The following ADAMTS16 variants were observed in gnomAD, a reference collection of about 807,000 sequenced individuals.
ADAMTS16 encodes the protein ADAM metallopeptidase with thrombospondin type 1 motif 16.
In ADAMTS16, 94 loss-of-function variants were observed where a neutral mutation model predicts 145.8. That is an observed-to-expected ratio of 0.64 (90% CI 0.55 to 0.77). ADAMTS16 has a LOEUF of 0.77. ADAMTS16 is among the 30% of genes least tolerant of loss of function. The pLI is 0.00. For synonymous variants in ADAMTS16, 659 were observed against 604.3 expected, an observed-to-expected ratio of 1.09 and a Z score of -1.33; for missense variants, 1,585 against 1,591.5, an observed-to-expected ratio of 1.00 and a Z score of 0.07.
chr5:5,185,829 A>G (rs766503411), intron 4 of ADAMTS16, among the ~76,000 whole-genome samples: 2 of 152,364 alleles, frequency 1.3e-5, no homozygotes, highest in Non-Finnish European at 1.5e-5. Flanking sequence ...AATTATATAA[A>G]GGGAAATACA....
At chr5:5,144,121 A>C (rs1734234485) in intron 2 of ADAMTS16, among the ~76,000 whole-genome samples, 1 of 121,536 alleles carries the variant, frequency 8.2e-6, no homozygotes, top group Non-Finnish European at 1.7e-5. Flanking sequence ...AACTTAAATT[A>C]TAACAAAAAA....
At chr5:5,208,541 G>T (rs1736190046) in intron 9 of ADAMTS16, among the ~76,000 whole-genome samples, 1 of 152,088 alleles carries the variant, frequency 6.6e-6, no homozygotes, top group African/African-American at 2.4e-5. Flanking sequence ...CTTGACTTGG[G>T]GGTCATCAGA....
intron 18 of ADAMTS16, 72 bp from the exon 19 acceptor site, chr5:5,303,196 C>T: frequency 7.0e-7 from 1 of 1,435,010 alleles, no homozygotes; most frequent in Non-Finnish European, 9.2e-7. Context: ...GCTGCCTCCA[C>T]ATCAGATGTG....
At chr5:5,225,268 C>A (rs1400802874) in intron 11 of ADAMTS16, among the ~76,000 whole-genome samples, 1 of 152,076 alleles carries the variant, frequency 6.6e-6, no homozygotes, top group Non-Finnish European at 1.5e-5. Flanking sequence ...ACCTGTGATC[C>A]CTGCTCTTTC....
chr5:5,239,785 T>C lies in ADAMTS16; in HGVS notation c.2383T>C (p.Tyr795His). Reference sequence around the variant, plus strand: ...TTCTGTGCGCAATGCCCTCAGAAGGTACTACCTGAATGGGCACTGGACCGT... The same window carrying C: ...TTCTGTGCGCAATGCCCTCAGAAGGCACTACCTGAATGGGCACTGGACCGT... ...YISVRNALRR[Y>H]YLNGHWTVDW... Residue 795 changes from tyrosine (Y) to histidine (H), a missense_variant, in exon 16 of 23, where the codon TAC (tyrosine) becomes CAC (histidine). Physicochemically the swap from Tyr to His is moderately conservative, Grantham distance 83. This residue lies in a region of ADAMTS16 where 834 missense variants were observed against 811.7 expected (regional missense o/e 1.03). Transcript: ENST00000274181. 1.2e-6 allele frequency: 2 copies of C among 1,614,142 alleles called. No individual in the cohort carries two copies. Among genetic ancestry groups the C allele is most frequent in the South Asian group, 2.2e-5 (2 of 91,072 alleles).
At chr5:5,167,064 ATTGT>A (rs1319684472) in intron 3 of ADAMTS16, among the ~76,000 whole-genome samples, 1 of 152,202 alleles carries the variant, frequency 6.6e-6, no homozygotes, top group Non-Finnish European at 1.5e-5. Context: ...TTCATCCAGA[ATTGT>A]TTATTTCTCT....
chr5:5,309,552 G>A (rs906529227), intron 21 of ADAMTS16, among the ~76,000 whole-genome samples: 3 of 152,136 alleles, frequency 2.0e-5, no homozygotes, highest in Admixed American at 1.3e-4. Context: ...CTAATATTCC[G>A]TCTTTAGAGA....
chr5:5,291,583 C>T (rs1054229592), intron 18 of ADAMTS16, among the ~76,000 whole-genome samples: 4 of 152,150 alleles, frequency 2.6e-5, no homozygotes, highest in Non-Finnish European at 4.4e-5. Flanking sequence ...TCCTGAAGGC[C>T]GTCCAGCTGG....
chr5:5,140,830 T>C, intron 2 of ADAMTS16, 64 bp downstream of exon 2: 1 of 1,449,038 alleles, frequency 6.9e-7, no homozygotes, highest in Non-Finnish European at 9.2e-7. Context: ...TCCGTGCCGC[T>C]GGTTTATTAG....
intron 17 of ADAMTS16, among the ~76,000 whole-genome samples, chr5:5,247,938 A>G (rs571075970): frequency 6.6e-6 from 1 of 152,332 alleles, no homozygotes; most frequent in African/African-American, 2.4e-5. Flanking sequence ...ATACACTGGG[A>G]ACCATTCAGA....
At chr5:5,282,628 C>G (rs537579322) in intron 18 of ADAMTS16, among the ~76,000 whole-genome samples, 1 of 152,208 alleles carries the variant, frequency 6.6e-6, no homozygotes, top group African/African-American at 2.4e-5. Context: ...GCCCACCTCT[C>G]AACACTTGTC....
chr5:5,236,572 C>T (rs992945109), intron 13 of ADAMTS16, among the ~76,000 whole-genome samples: 1 of 151,102 alleles, frequency 6.6e-6, no homozygotes, highest in African/African-American at 2.4e-5. Flanking sequence ...TCTTTTATTA[C>T]ATTTTATCTG....
At chr5:5,256,527 C>T (rs1579346463) in intron 17 of ADAMTS16, among the ~76,000 whole-genome samples, 1 of 152,246 alleles carries the variant, frequency 6.6e-6, no homozygotes, top group East Asian at 1.9e-4. Context: ...ATCCAATTAA[C>T]AGGTAAATTT....
rs144559153 is a variant in ADAMTS16 at position 5,141,816 on chromosome 5, G to C, written c.175+1050G>C. On this transcript the variant is annotated intron_variant, in intron 2 of 22. Transcript: ENST00000274181. ...ACACAAATAGTATATAAGGTGACCG[G>C]TGTCAGATTGACGCTCACCATAGTA... Among the ~76,000 whole-genome samples, 513 of 152,224 alleles carry C rather than the reference G, an allele frequency of 3.4e-3. 2 individuals are homozygous for C. The highest frequency in any genetic ancestry group is 5.8e-3 in the Non-Finnish European group (396 of 68,020).
At chr5:5,306,848 T>G (rs1241457681) in intron 21 of ADAMTS16, 120 bp downstream of exon 21, 1 of 1,027,084 alleles carries the variant, frequency 9.7e-7, no homozygotes, top group African/African-American at 1.6e-5. Flanking sequence ...AGCTACTGCA[T>G]GAGGTTTTCT....
intron 10 of ADAMTS16, among the ~76,000 whole-genome samples, chr5:5,215,887 TA>T (rs1244248730): frequency 0.013 from 869 of 68,348 alleles, 30 homozygotes; most frequent in African/African-American, 0.031. Flanking sequence ...TATATATATA[TA>T]TATATATATA....
intron 18 of ADAMTS16, among the ~76,000 whole-genome samples, chr5:5,292,513 T>C (rs999563058): frequency 6.7e-6 from 1 of 150,300 alleles, no homozygotes; most frequent in Non-Finnish European, 1.5e-5. Flanking sequence ...ATAATAATAA[T>C]AATAATAATA....
intron 18 of ADAMTS16, among the ~76,000 whole-genome samples, chr5:5,283,357 A>G (rs1217862816): frequency 6.6e-6 from 1 of 152,176 alleles, no homozygotes; most frequent in Non-Finnish European, 1.5e-5. Context: ...TCTCCTACAT[A>G]ACTATTCTAT....
At chr5:5,146,024 A>T (rs906478336) in intron 2 of ADAMTS16, 106 bp from the exon 3 acceptor site, 3 of 960,390 alleles carry the variant, frequency 3.1e-6, no homozygotes, top group African/African-American at 3.3e-5. Context: ...ATCATTTTTG[A>T]CTGGGTGGAA....
Sources: allele counts gnomAD v4.1 joint callset (sites outside exome capture counted in the v4.1 genomes callset), GRCh38; gene constraint gnomAD v4.1.1; regional missense constraint gnomAD v4.1.1; transcripts MANE v1.5; gene names NCBI Gene and HGNC (gene_info 2026-07-23, HGNC 2026-07-21).